Variants in TANC2 observed in about 807,000 individuals in gnomAD.
TANC2 encodes tetratricopeptide repeat, ankyrin repeat and coiled-coil containing 2.
In TANC2, 26 loss-of-function variants were observed where a neutral mutation model predicts 210.5. The observed-to-expected ratio is 0.12, with a 90% CI of 0.09 to 0.17. TANC2 has a LOEUF of 0.17. Among genes scored for constraint, TANC2 ranks in the 10% least tolerant of loss-of-function variants. TANC2 has a pLI of 1.00. For synonymous variants in TANC2, 931 were observed against 967.1 expected (o/e 0.96, Z 0.69); for missense variants, 2,129 against 2,608.9 (o/e 0.82, Z 4.01).
chr17:63,366,702 A>G (rs546784873), intron 14 of TANC2, among the ~76,000 whole-genome samples: 1 of 152,234 alleles, frequency 6.6e-6, no homozygotes, highest in Non-Finnish European at 1.5e-5. Context: ...ACTCATTTCT[A>G]TAAAGGTACC....
intron 19 of TANC2, among the ~76,000 whole-genome samples, chr17:63,404,008 G>A (rs1327045934): frequency 6.6e-6 from 1 of 152,198 alleles, no homozygotes; most frequent in Non-Finnish European, 1.5e-5. Flanking sequence ...GCAAACTGCA[G>A]TATCTGTGCC....
At chr17:63,135,628 A>G (rs1174694100) in intron 4 of TANC2, among the ~76,000 whole-genome samples, 5 of 152,162 alleles carry the variant, frequency 3.3e-5, no homozygotes, top group Non-Finnish European at 7.3e-5. Flanking sequence ...AATTTTATTT[A>G]CACCATTTTC....
chr17:63,114,013 T>C (rs2145062211), intron 4 of TANC2, among the ~76,000 whole-genome samples: 1 of 152,326 alleles, frequency 6.6e-6, no homozygotes, highest in African/African-American at 2.4e-5. Context: ...ATTCAGTAAA[T>C]TTTATAACTT....
In TANC2 at chr17:63,418,087, C is replaced by T. The variant is rs983862037; in HGVS notation, c.4168-220C>T. Among the ~76,000 whole-genome samples the T allele has an allele frequency of 2.0e-5, 3 of 152,136 alleles. No individual in the cohort carries two copies. The highest frequency in any genetic ancestry group is 7.2e-5 in the African/African-American group (3 of 41,430). On this transcript the variant is annotated intron_variant, in intron 26 of 27. Coordinates refer to ENST00000689528, the Ensembl canonical transcript of TANC2. This position sits in a 1 kb window ranked among gnomAD's most constrained non-coding sequence, Gnocchi z 4.6. ...ATTAAAACTATTTTAATATTCTGGG[C>T]AGATAAAGTCCAGTGAGCAGTCGCA...
intron 14 of TANC2, among the ~76,000 whole-genome samples, chr17:63,377,223 A>G (rs1321400715): frequency 6.6e-6 from 1 of 152,098 alleles, no homozygotes; most frequent in Non-Finnish European, 1.5e-5. Context: ...CATTTTCCCC[A>G]TTGGCTTGGT....
intron 14 of TANC2, among the ~76,000 whole-genome samples, chr17:63,375,823 C>G (rs1598973237): frequency 6.6e-6 from 1 of 152,330 alleles, no homozygotes; most frequent in East Asian, 1.9e-4. Context: ...GGTGCAGTGG[C>G]TCATGCTTGT....
At chr17:63,415,863 C>T (rs903292119) in intron 26 of TANC2, among the ~76,000 whole-genome samples, 189 bp downstream of exon 26, 1 of 152,280 alleles carries the variant, frequency 6.6e-6, no homozygotes, top group Admixed American at 6.5e-5. Context: ...TCAAACTGTA[C>T]AGAAATTAAT....
intron 11 of TANC2, among the ~76,000 whole-genome samples, chr17:63,337,625 A>T (rs28434412): frequency 0.064 from 8,753 of 137,670 alleles, 802 homozygotes; most frequent in African/African-American, 0.24. Flanking sequence ...TTTTTTTTTT[A>T]AATTTTATTT....
chr17:63,193,472 G>T lies in TANC2; in HGVS notation c.434-519G>T, dbSNP rs145816313. Among the ~76,000 whole-genome samples the T allele has an allele frequency of 3.4e-4, 52 of 152,244 alleles. 1 individual carries two copies. The East Asian group carries it at 9.5e-3, about 28-fold the overall frequency. ...TTCTTAGCATTTGGAGTGGTTTACT[G>T]TGTAATACTGAATATCCTAAATAAT... On this transcript the variant is annotated intron_variant, in intron 5 of 27. Transcript: ENST00000689528.
intron 15 of TANC2, among the ~76,000 whole-genome samples, chr17:63,383,589 A>G (rs2047681873): frequency 6.6e-6 from 1 of 152,152 alleles, no homozygotes; most frequent in Admixed American, 6.5e-5. Flanking sequence ...GATTTACTAC[A>G]TTTTATTTAG....
At chr17:63,332,093 T>C in intron 11 of TANC2, 1 of 344,142 alleles carries the variant, frequency 2.9e-6, no homozygotes, top group East Asian at 8.4e-5. Flanking sequence ...CATCCTCCCC[T>C]GTTACCGAGG....
chr17:63,289,023 T>G (rs1476959603), intron 9 of TANC2, among the ~76,000 whole-genome samples: 2 of 152,194 alleles, frequency 1.3e-5, no homozygotes, highest in Non-Finnish European at 2.9e-5. Flanking sequence ...CCCTCTCTTC[T>G]TGCTTGCTTG....
At chr17:63,301,887 T>A (rs1407965047) in intron 9 of TANC2, among the ~76,000 whole-genome samples, 1 of 152,194 alleles carries the variant, frequency 6.6e-6, no homozygotes, top group Non-Finnish European at 1.5e-5. Context: ...CAATTTGAGA[T>A]CTTTCTGGCT....
At chr17:63,104,058 G>A (rs973515284) in intron 4 of TANC2, among the ~76,000 whole-genome samples, 2 of 152,090 alleles carry the variant, frequency 1.3e-5, no homozygotes, top group Admixed American at 6.5e-5. Context: ...TAGCTCATCC[G>A]GAGCATCTAG....
chr17:63,416,294 C>T (rs1313960636), intron 26 of TANC2, among the ~76,000 whole-genome samples: 1 of 152,156 alleles, frequency 6.6e-6, no homozygotes, highest in Non-Finnish European at 1.5e-5. Context: ...AGACACTGCT[C>T]CCTCAGCCAC....
chr17:63,343,494 G>A (rs1182250528), intron 12 of TANC2, among the ~76,000 whole-genome samples: 1 of 152,198 alleles, frequency 6.6e-6, no homozygotes. Flanking sequence ...GGCTGAGGCA[G>A]AACAGTGTAA....
At chr17:63,022,365 C>G (rs2034387265) in intron 2 of TANC2, among the ~76,000 whole-genome samples, 1 of 147,748 alleles carries the variant, frequency 6.8e-6, no homozygotes, top group South Asian at 2.1e-4. Flanking sequence ...GAATGACAAA[C>G]TAGGATTTCT....
At chr17:63,190,382 T>C (rs2041143668) in intron 5 of TANC2, among the ~76,000 whole-genome samples, 1 of 152,146 alleles carries the variant, frequency 6.6e-6, no homozygotes, top group African/African-American at 2.4e-5. Flanking sequence ...TGTAAGAGTA[T>C]TATTTCTGGA....
rs571847007 is a variant in TANC2 at position 63,260,984 on chromosome 17, C to A, written c.1034-6764C>A. On this transcript the variant is annotated intron_variant, in intron 8 of 27. Transcript: ENST00000689528. ...CGGTGGCTTATGCCTGTAATCCCAG[C>A]ACTTTGGGAGGCCAAGTTACAAGGA... is the stretch of plus-strand genomic sequence containing the variant. Among the ~76,000 whole-genome samples, 8 of 152,114 alleles carry A rather than the reference C, an allele frequency of 5.3e-5. No individual in the cohort carries two copies. In the East Asian group the frequency reaches 1.6e-3, roughly 29 times the overall value.
Sources: gnomAD v4.1 joint callset for allele counts (sites outside exome capture counted in the v4.1 genomes callset) on GRCh38, gnomAD v4.1.1 for gene constraint, Gnocchi (gnomAD v3.1) non-coding constraint, MANE v1.5 for transcripts, NCBI Gene and HGNC (gene_info 2026-07-23, HGNC 2026-07-21) for gene names.